The following ENG variants were observed in gnomAD, a reference collection of about 807,000 sequenced individuals.
ENG encodes endoglin.
In ENG, 17 loss-of-function variants were observed where a neutral mutation model predicts 71.0. The observed-to-expected ratio is 0.24, with a 90% confidence interval of 0.16 to 0.36. ENG has a LOEUF of 0.36. ENG is among the 10% of genes least tolerant of loss of function. The pLI, the probability that ENG is intolerant of heterozygous loss-of-function variation, is 1.00. For missense variants in ENG, 749 were observed against 868.3 expected (o/e 0.86, Z 1.73); for synonymous variants, 360 against 366.9 (o/e 0.98, Z 0.21).
At chr9:127,841,777 A>G (rs1831037096) in intron 2 of ENG, among the ~76,000 whole-genome samples, 1 of 152,230 alleles carries the variant, frequency 6.6e-6, no homozygotes, top group Non-Finnish European at 1.5e-5. Context: ...CCAACAGGCC[A>G]GAAGCCACCT....
chr9:127,825,380 G>A, intron 5 of ENG, 23 bp from the exon 6 acceptor site: 2 of 1,607,878 alleles, frequency 1.2e-6, no homozygotes, highest in Non-Finnish European at 8.5e-7. Flanking sequence ...AGACGCGGAT[G>A]GAACACTGAA....
At chr9:127,829,091 T>A (rs1830697473) in intron 3 of ENG, among the ~76,000 whole-genome samples, 1 of 152,094 alleles carries the variant, frequency 6.6e-6, no homozygotes, top group Non-Finnish European at 1.5e-5. Context: ...AGGCTTTTGG[T>A]TGTTTGTTTT....
chr9:127,842,675 G>A (rs1021659572), intron 2 of ENG, among the ~76,000 whole-genome samples: 42 of 152,062 alleles, frequency 2.8e-4, no homozygotes, highest in Non-Finnish European at 4.9e-4. Flanking sequence ...TACCCGCCTC[G>A]GCCTCCTAAA....
chr9:127,852,260 G>C (rs1481574654), intron 1 of ENG, among the ~76,000 whole-genome samples: 1 of 152,192 alleles, frequency 6.6e-6, no homozygotes, highest in Non-Finnish European at 1.5e-5. Flanking sequence ...ACTACTGAAG[G>C]CTGATTTGTG....
rs1219591965 is a variant in ENG, at chr9:127,838,426, A to G, written c.219+4668T>C. On this transcript the variant is annotated intron_variant, in intron 2 of 14. Transcript: ENST00000373203. This position sits in a 1 kb window ranked among gnomAD's most constrained non-coding sequence, Gnocchi z 4.3. ...AAGTCTGAGGGCTGTACTGCCTTCC[A>G]TGGCCTCCCACTGCCTCCCAGGACA... Among the ~76,000 whole-genome samples the G allele has an allele frequency of 2.0e-5, 3 of 152,086 alleles. No individual in the cohort carries two copies.
intron 12 of ENG, among the ~76,000 whole-genome samples, chr9:127,817,605 C>T (rs754674322): frequency 2.0e-5 from 3 of 152,104 alleles, no homozygotes; most frequent in African/African-American, 4.8e-5. Context: ...AGTTTGTAAT[C>T]CTGGAGGCCT....
chr9:127,849,180 G>A (rs866385672), intron 1 of ENG, among the ~76,000 whole-genome samples: 12 of 152,150 alleles, frequency 7.9e-5, no homozygotes, highest in South Asian at 2.1e-4. Flanking sequence ...TAGACTGTGC[G>A]GTCCAACACT....
chr9:127,818,417 TCTTCACCCCACCCCACCTGCTGC>T (rs1830387858), intron 11 of ENG, 40 bp from the exon 12 acceptor site: 1 of 1,609,004 alleles, frequency 6.2e-7, no homozygotes, highest in Non-Finnish European at 8.5e-7. Context: ...GGGCAGCTGC[TCTTCACCCCACCCCACCTGCTGC>T]CTTCAAATAT....
At chr9:127,842,361 T>C (rs1831055941) in intron 2 of ENG, among the ~76,000 whole-genome samples, 1 of 151,622 alleles carries the variant, frequency 6.6e-6, no homozygotes, top group East Asian at 1.9e-4. Flanking sequence ...CAAGTACAGC[T>C]GGGATTACAG....
intron 1 of ENG, among the ~76,000 whole-genome samples, chr9:127,848,764 G>A (rs1831230142): frequency 6.6e-6 from 1 of 152,146 alleles, no homozygotes; most frequent in African/African-American, 2.4e-5. Flanking sequence ...AGTTTTTCCA[G>A]GACAAGGAGA....
At chr9:127,816,479 C>T in intron 13 of ENG, 1 of 320,188 alleles carries the variant, frequency 3.1e-6, no homozygotes, top group South Asian at 3.0e-5. Context: ...CAGCTCTGCT[C>T]TTGGATTGCT....
In ENG at chr9:127,837,810, C is replaced by T. The variant is rs72752858; in HGVS notation, c.219+5284G>A. Among the ~76,000 whole-genome samples, 100 of 151,036 alleles carry T rather than the reference C, an allele frequency of 6.6e-4. 1 individual carries two copies. The highest frequency in any genetic ancestry group is 2.1e-3 in the African/African-American group (84 of 40,818). ...TCCATCCATCCATCCATCCATCCATCCATCCAACAGATATTGATTCCTGGG... is the reference window on the plus strand; with the variant it reads ...TCCATCCATCCATCCATCCATCCATTCATCCAACAGATATTGATTCCTGGG... On this transcript the variant is annotated intron_variant, in intron 2 of 14. Transcript: ENST00000373203.
chr9:127,852,858 C>T (rs1829062988), intron 1 of ENG, among the ~76,000 whole-genome samples: 1 of 152,138 alleles, frequency 6.6e-6, no homozygotes, highest in Admixed American at 6.5e-5. Flanking sequence ...ATATCACTGC[C>T]TTTGATCCTT....
chr9:127,818,888 G>T, intron 10 of ENG, 56 bp from the exon 11 acceptor site: 1 of 1,516,866 alleles, frequency 6.6e-7, no homozygotes, highest in South Asian at 1.1e-5. Context: ...CCAGGAGGGC[G>T]AGGGGTGTGG....
chr9:127,844,895 C>A (rs1486265886), intron 1 of ENG, among the ~76,000 whole-genome samples: 1 of 152,174 alleles, frequency 6.6e-6, no homozygotes, highest in African/African-American at 2.4e-5. Flanking sequence ...AGTTCCCTAG[C>A]CCCAAGGGAC....
intron 1 of ENG, among the ~76,000 whole-genome samples, chr9:127,847,887 G>A (rs77050254): frequency 1.3e-5 from 2 of 152,100 alleles, no homozygotes; most frequent in African/African-American, 4.8e-5. Context: ...TTGGCCCCGG[G>A]CTCCCCCCTG....
rs1420284233 is a variant in ENG at position 127,843,772 on chromosome 9, T to A, written c.68-527A>T. 4.0e-3 allele frequency among the ~76,000 whole-genome samples: 397 copies of A among 99,902 alleles called. 4 individuals are homozygous for A. The highest frequency in any genetic ancestry group is 0.024 in the East Asian group (84 of 3,566). The allele number at this position is 99,902 out of a possible 152,430, so 65.5% of individuals were successfully genotyped here. ...ATATATATATTTTTTTTTTTTTTTT[T>A]TTTTTTTTTTTTTTTTGAGATGGAG... On this transcript the variant is annotated intron_variant, in intron 1 of 14. Transcript: ENST00000373203.
rs756252418 is a variant in ENG, at chr9:127,825,277, G to C, written c.770C>G (p.Pro257Arg). ...LDAVLILQGP[P>R]YVSWLIDANH... ...GGCGTCGATGAGCCAGGACACGTAGGGGGGACCCTGCAGGATGAGGACGGC... is the reference window on the plus strand; with the variant it reads ...GGCGTCGATGAGCCAGGACACGTAGCGGGGACCCTGCAGGATGAGGACGGC... The change falls in exon 6 of 15, where the codon CCC (proline) becomes CGC (arginine). Residue 257 changes from proline (P) to arginine (R), a missense_variant. Transcript: ENST00000373203. The C allele has an allele frequency of 6.2e-7, 1 of 1,612,366 alleles. No homozygotes were observed. Among genetic ancestry groups the C allele is most frequent in the Non-Finnish European group, 8.5e-7 (1 of 1,179,696 alleles).
chr9:127,826,646 C>G lies in ENG; in HGVS notation c.387G>C (p.Glu129Asp). Residue 129 changes from glutamate (E) to aspartate (D), a missense_variant, in exon 4 of 15, where the codon GAG becomes GAC. Glu to Asp is a conservative substitution (Grantham distance 45). Transcript: ENST00000373203. Reference protein sequence around the residue: ...AYNSSLVTFQEPPGVNTTELP... With the variant: ...AYNSSLVTFQDPPGVNTTELP... ...GCTCTGTGGTGTTGACCCCCGGGGGCTCTTGGAAGGTGACCAGGCTGGAAT... is the reference window on the plus strand; with the variant it reads ...GCTCTGTGGTGTTGACCCCCGGGGGGTCTTGGAAGGTGACCAGGCTGGAAT... 6.2e-7 allele frequency: 1 copy of G among 1,613,940 alleles called. No homozygotes were observed. Among genetic ancestry groups the G allele is most frequent in the Non-Finnish European group, 8.5e-7 (1 of 1,180,000 alleles).
Sources: gnomAD v4.1 joint callset for allele counts (sites outside exome capture counted in the v4.1 genomes callset) on GRCh38, gnomAD v4.1.1 for gene constraint, Gnocchi (gnomAD v3.1) non-coding constraint, MANE v1.5 for transcripts, NCBI Gene and HGNC (gene_info 2026-07-23, HGNC 2026-07-21) for gene names.